POLE2: variants seen among roughly 807,000 people sequenced by gnomAD.
The protein encoded by POLE2 is DNA polymerase epsilon 2, accessory subunit, also known as DNA polymerase epsilon subunit 2.
POLE2 carries 56 observed loss-of-function variants against 79.4 expected under a neutral mutation model. The observed-to-expected ratio is 0.71, with a 90% CI of 0.57 to 0.88. The LOEUF (loss-of-function observed/expected upper bound fraction) is 0.88. Among genes scored for constraint, POLE2 ranks in the 40% least tolerant of loss-of-function variants. The probability of loss-of-function intolerance (pLI) is 0.00; values close to 1 mark genes in which losing one functional copy is unlikely to be tolerated. For missense variants in POLE2, 598 were observed against 638.9 expected, an observed-to-expected ratio of 0.94 and a Z score of 0.69; for synonymous variants, 212 against 214.0, an observed-to-expected ratio of 0.99 and a Z score of 0.08.
intron 10 of POLE2, among the ~76,000 whole-genome samples, chr14:49,660,343 CGT>C (rs1885014201): frequency 6.6e-6 from 1 of 152,058 alleles, no homozygotes; most frequent in African/African-American, 2.4e-5. Context: ...GATGTATCCC[CGT>C]TGTTATGCAA....
rs548400422 is a variant in POLE2 at position 49,665,628 on chromosome 14, A to C, written c.577-465T>G. ...GATGTCTTCTCAGGAAACCAAACAC[A>C]GATGAAAAAGACACTTGGTGACTGA... On this transcript the variant is annotated intron_variant, in intron 7 of 18. Transcript: ENST00000216367. Among the ~76,000 whole-genome samples the C allele has an allele frequency of 1.6e-3, 237 of 151,380 alleles. 1 individual carries two copies. The highest frequency in any genetic ancestry group is 3.0e-3 in the Non-Finnish European group (207 of 67,924).
intron 18 of POLE2, among the ~76,000 whole-genome samples, chr14:49,645,536 T>C (rs1292325631): frequency 6.6e-6 from 1 of 152,222 alleles, no homozygotes; most frequent in African/African-American, 2.4e-5. Flanking sequence ...AATTATAGTT[T>C]GGAAATTATG....
chr14:49,683,955 C>T (rs1332429063), intron 1 of POLE2, among the ~76,000 whole-genome samples: 1 of 152,142 alleles, frequency 6.6e-6, no homozygotes, highest in African/African-American at 2.4e-5. Context: ...CCCCTTTCTT[C>T]TGAAATTGTT....
rs537941310 is a variant in POLE2 at position 49,679,779 on chromosome 14, C to T, written c.191G>A (p.Arg64Gln). Residue 64 changes from arginine to glutamine, a missense_variant, in exon 3 of 19, where the codon CGA (arginine) becomes CAA (glutamine). Transcript: ENST00000216367. ...CTGGACTGCTGCTTCCACCACAGAT[C>T]GTTCAATCATGTTTGATGACACTGA... ...KQPLSSNMIERSVVEAAVQEC... is the reference protein window; with the variant it reads ...KQPLSSNMIEQSVVEAAVQEC... 1.7e-5 allele frequency: 27 copies of T among 1,600,778 alleles called. 1 individual carries two copies. In the Admixed American group the frequency reaches 2.5e-4, roughly 15 times the overall value.
Position 49,669,618 on chromosome 14 carries a change from A to T in POLE2, c.418-20T>A. ...GGTCCTCTATAAAAAAGAAAGATTC[A>T]CATGAATTCCTGAAACAGACATTTA... On this transcript the variant is annotated intron_variant, in intron 5 of 18. Transcript: ENST00000216367. The T allele has an allele frequency of 7.7e-7, 1 of 1,302,726 alleles. No homozygotes were observed. Among genetic ancestry groups the T allele is most frequent in the Non-Finnish European group, 1.1e-6 (1 of 899,184 alleles). The allele number at this position is 1,302,726 out of a possible 1,614,324, so 80.7% of individuals were successfully genotyped here.
intron 5 of POLE2, among the ~76,000 whole-genome samples, chr14:49,670,316 C>CAA (rs1885789746): frequency 2.6e-5 from 1 of 38,498 alleles, no homozygotes; most frequent in African/African-American, 1.5e-4. Context: ...AACTGTGTCT[C>CAA]CAAAAAAAAA....
chr14:49,661,135 A>G (rs1222649499), intron 10 of POLE2, among the ~76,000 whole-genome samples: 1 of 152,010 alleles, frequency 6.6e-6, no homozygotes, highest in Non-Finnish European at 1.5e-5. Flanking sequence ...TGCCCAGGCT[A>G]GTTCTGAACT....
At chr14:49,648,220 C>A (rs1883930717) in intron 17 of POLE2, among the ~76,000 whole-genome samples, 1 of 152,162 alleles carries the variant, frequency 6.6e-6, no homozygotes, top group Non-Finnish European at 1.5e-5. Flanking sequence ...GTCTTTGTGC[C>A]CCAAGCACCG....
rs774235760 is a variant in POLE2 at position 49,679,742 on chromosome 14, C to T, written c.228G>A (p.Gln76=). 6.3e-7 allele frequency: 1 copy of T among 1,596,564 alleles called. No homozygotes were observed. ...VVEAAVQECS[Q]SVDETIEHVF... ...CCACATACATAGTTTCATCAACAGA[C>T]TGACTGCATTCCTGGACTGCTGCTT... is the stretch of plus-strand genomic sequence containing the variant. Residue 76 remains glutamine, a synonymous_variant, in exon 3 of 19, where the codon CAG becomes CAA. Coordinates refer to ENST00000216367, the MANE Select transcript of POLE2 (RefSeq NM_002692.4).
In POLE2 at chr14:49,657,234, T is replaced by C. The variant is rs147018493; in HGVS notation, c.756-1391A>G. 7.5e-3 allele frequency among the ~76,000 whole-genome samples: 1,147 copies of C among 152,242 alleles called. 14 individuals are homozygous for C. Among genetic ancestry groups the C allele is most frequent in the African/African-American group, 0.026 (1,084 of 41,530 alleles). ...CATATTTCCTGAATGTCACGAATCA[T>C]GCTATAAAACAATATTTCACAGTAA... On this transcript the variant is annotated intron_variant, in intron 10 of 18. Transcript: ENST00000216367.
At chr14:49,655,356 C>T (rs1884577359) in intron 11 of POLE2, among the ~76,000 whole-genome samples, 1 of 151,940 alleles carries the variant, frequency 6.6e-6, no homozygotes, top group Non-Finnish European at 1.5e-5. Context: ...TAGGCTTGCA[C>T]TTAAACCCAG....
Position 49,655,758 on chromosome 14 carries a change from CCTCTT to C in POLE2, c.836_840del (p.Glu279GlyfsTer3). ...AACACAAACATAGCATCTTTATTCT[CCTCTT>C]CTAGCTGTTTTAGTTTTGCAGAAGT... On this transcript the variant is annotated frameshift_variant, in exon 11 of 19. Coordinates refer to ENST00000216367, the MANE Select transcript of POLE2 (RefSeq NM_002692.4). LOFTEE classifies it high-confidence loss of function. 6.2e-7 allele frequency: 1 copy of C among 1,609,470 alleles called. No homozygotes were observed. The highest frequency in any genetic ancestry group is 1.1e-5 in the South Asian group (1 of 90,804).
At chr14:49,646,320 T>G (rs947368384) in intron 18 of POLE2, among the ~76,000 whole-genome samples, 25 of 92,910 alleles carry the variant, frequency 2.7e-4, no homozygotes, top group Admixed American at 5.9e-4. Context: ...TTTTTTTTTT[T>G]TTTTTTTTTT....
chr14:49,661,455 A>G (rs1461619549), intron 10 of POLE2, among the ~76,000 whole-genome samples: 2 of 152,224 alleles, frequency 1.3e-5, no homozygotes, highest in African/African-American at 4.8e-5. Flanking sequence ...TCAGTTAAGC[A>G]TATACCCAAA....
chr14:49,663,774 A>G (rs1885262716), intron 9 of POLE2, among the ~76,000 whole-genome samples: 1 of 152,186 alleles, frequency 6.6e-6, no homozygotes, highest in Non-Finnish European at 1.5e-5. Flanking sequence ...CATGCCTGTA[A>G]TCCCAGCACT....
intron 17 of POLE2, among the ~76,000 whole-genome samples, chr14:49,648,804 C>T (rs1188275788): frequency 1.3e-5 from 2 of 152,170 alleles, no homozygotes; most frequent in Non-Finnish European, 2.9e-5. Context: ...GCTGGACAAA[C>T]TGTGTGTTTG....
chr14:49,652,038 C>T (rs1305119896), intron 15 of POLE2, among the ~76,000 whole-genome samples: 5 of 152,058 alleles, frequency 3.3e-5, no homozygotes, highest in Non-Finnish European at 5.9e-5. Context: ...TGCAAGGATA[C>T]GGCTGTCACT....
At chr14:49,662,727 G>A (rs535157294) in intron 10 of POLE2, among the ~76,000 whole-genome samples, 5 of 152,298 alleles carry the variant, frequency 3.3e-5, no homozygotes, top group Middle Eastern at 3.4e-3. Context: ...AAACTAACTC[G>A]AAATGTTTTT....
intron 3 of POLE2, among the ~76,000 whole-genome samples, chr14:49,675,681 C>A (rs760855371): frequency 1.3e-5 from 2 of 150,538 alleles, no homozygotes; most frequent in Non-Finnish European, 3.0e-5. Flanking sequence ...CTGCCTCAGC[C>A]TCCCAAACTG....
Sources: gnomAD v4.1 joint callset for allele counts (sites outside exome capture counted in the v4.1 genomes callset) on GRCh38, gnomAD v4.1.1 for gene constraint, MANE v1.5 for transcripts, NCBI Gene and HGNC (gene_info 2026-07-23, HGNC 2026-07-21) for gene names.